Variants in TNRC6B observed in about 807,000 individuals in gnomAD.
The protein encoded by TNRC6B is trinucleotide repeat-containing gene 6B protein.
A neutral mutation model predicts 203.6 loss-of-function variants in TNRC6B; 52 were observed. The observed-to-expected ratio is 0.26, with a 90% CI of 0.20 to 0.32. The LOEUF (loss-of-function observed/expected upper bound fraction) is 0.32, where lower values mean the gene tolerates loss of function less well. Ranked by LOEUF, TNRC6B falls within the 10% of genes least tolerant of loss-of-function variation. The probability of loss-of-function intolerance (pLI) is 1.00; values close to 1 mark genes in which losing one functional copy is unlikely to be tolerated. For missense variants in TNRC6B, 1,923 were observed against 2,286.2 expected (o/e 0.84, Z 3.24); for synonymous variants, 838 against 845.7 (o/e 0.99, Z 0.16).
intron 1 of TNRC6B, among the ~76,000 whole-genome samples, chr22:40,083,255 T>A (rs1470847538): frequency 6.6e-6 from 1 of 152,166 alleles, no homozygotes; most frequent in Non-Finnish European, 1.5e-5. Flanking sequence ...GGACAGTGAC[T>A]GGCCAGGACA....
chr22:40,145,840 CA>C (rs5845447), intron 3 of TNRC6B, among the ~76,000 whole-genome samples: 49,807 of 148,024 alleles, frequency 0.34, 10,614 homozygotes, highest in African/African-American at 0.61. Context: ...GACTTTGTCT[CA>C]AAAAAAAAAG....
chr22:40,119,781 A>C (rs955514144), intron 2 of TNRC6B, among the ~76,000 whole-genome samples: 1 of 152,168 alleles, frequency 6.6e-6, no homozygotes, highest in Non-Finnish European at 1.5e-5. Flanking sequence ...CACTTCTTAC[A>C]TGGAACCCTT....
chr22:40,311,208 G>A (rs1009237370), intron 17 of TNRC6B, among the ~76,000 whole-genome samples: 19 of 152,220 alleles, frequency 1.2e-4, no homozygotes, highest in African/African-American at 4.6e-4. Context: ...ATTGTAGGTG[G>A]GACTTTGCAT....
chr22:40,207,492 A>G (rs1171798888), intron 1 of TNRC6B, among the ~76,000 whole-genome samples: 2 of 150,278 alleles, frequency 1.3e-5, no homozygotes, highest in African/African-American at 4.8e-5. Context: ...ATACATGTTC[A>G]TTATATCATG....
At chr22:40,173,794 T>TATATATATATATATATATATATATAA (rs201025367), upstream of TNRC6B, among the ~76,000 whole-genome samples, 3 of 31,452 alleles carry the variant, frequency 9.5e-5, no homozygotes. Flanking sequence ...TATATATATA[T>TATATATATATATATATATATATATAA]TTTTTTTTTT....
chr22:40,070,776 A>ATT (rs750997276), intron 1 of TNRC6B, among the ~76,000 whole-genome samples: 4 of 147,078 alleles, frequency 2.7e-5, no homozygotes, highest in African/African-American at 9.9e-5. Context: ...TATAGCTCAG[A>ATT]TTTTTTTTTT....
intron 4 of TNRC6B, among the ~76,000 whole-genome samples, chr22:40,169,410 G>A (rs1198148934): frequency 6.6e-6 from 1 of 152,132 alleles, no homozygotes; most frequent in Admixed American, 6.6e-5. Context: ...GATCACAGGT[G>A]TGAGTCACCA....
intron 1 of TNRC6B, among the ~76,000 whole-genome samples, chr22:40,195,515 T>G (rs1351066698): frequency 1.3e-5 from 2 of 152,134 alleles, no homozygotes; most frequent in East Asian, 3.8e-4. Context: ...CAGGCTGGAG[T>G]GCAATGGCAC....
chr22:40,156,200 T>G (rs755550139), intron 4 of TNRC6B: 8 of 1,558,956 alleles, frequency 5.1e-6, no homozygotes, highest in Non-Finnish European at 5.2e-6. Context: ...ACAGTTTATT[T>G]AAAAAGAGTC....
intron 15 of TNRC6B, among the ~76,000 whole-genome samples, chr22:40,307,779 C>T (rs1431976759): frequency 6.6e-6 from 1 of 152,126 alleles, no homozygotes; most frequent in Non-Finnish European, 1.5e-5. Context: ...TGACCTCCAC[C>T]CACCCCACAC....
intron 3 of TNRC6B, among the ~76,000 whole-genome samples, chr22:40,258,101 T>TTTTTTTA (rs869114055): frequency 4.5e-4 from 49 of 108,426 alleles, no homozygotes; most frequent in African/African-American, 2.4e-3. Flanking sequence ...TTTTTTTTTT[T>TTTTTTTA]ACCCCACAAT....
chr22:40,243,554 AACTT>A (rs2070061402), intron 1 of TNRC6B, among the ~76,000 whole-genome samples: 1 of 152,170 alleles, frequency 6.6e-6, no homozygotes, highest in African/African-American at 2.4e-5. Context: ...GTTTGATTAA[AACTT>A]ACCCCTTTTT....
intron 15 of TNRC6B, among the ~76,000 whole-genome samples, chr22:40,308,129 C>G (rs1026753146): frequency 5.3e-5 from 8 of 152,288 alleles, no homozygotes; most frequent in East Asian, 1.9e-4. Flanking sequence ...CTTTCCTCCC[C>G]CAAGATACCC....
chr22:40,071,899 C>T (rs1165403617), intron 1 of TNRC6B, among the ~76,000 whole-genome samples: 1 of 152,122 alleles, frequency 6.6e-6, no homozygotes. Context: ...GCTCCATCGC[C>T]CATGCTGGAG....
At chr22:40,080,139 T>A (rs1473763869) in intron 1 of TNRC6B, among the ~76,000 whole-genome samples, 1 of 144,540 alleles carries the variant, frequency 6.9e-6, no homozygotes, top group Non-Finnish European at 1.5e-5. Flanking sequence ...TCTCACTATG[T>A]TGCCCAAGCT....
At chr22:40,157,737 C>A (rs1264857501) in intron 4 of TNRC6B, among the ~76,000 whole-genome samples, 1 of 152,194 alleles carries the variant, frequency 6.6e-6, no homozygotes, top group Non-Finnish European at 1.5e-5. Flanking sequence ...GCCCTCCACC[C>A]CCACACTCTG....
chr22:40,322,805 T>C, intron 22 of TNRC6B, 49 bp from the exon 23 acceptor site: 2 of 1,610,102 alleles, frequency 1.2e-6, no homozygotes, highest in East Asian at 2.2e-5. Context: ...CTCCGTATGC[T>C]TTAGGATTTT....
At chr22:40,290,586 A>C (rs2070856565) in intron 12 of TNRC6B, among the ~76,000 whole-genome samples, 1 of 152,130 alleles carries the variant, frequency 6.6e-6, no homozygotes, top group African/African-American at 2.4e-5. Context: ...TATCTCCTTC[A>C]GCTCTCTGCT....
chr22:40,278,329 G>A (rs2070677610), intron 9 of TNRC6B, among the ~76,000 whole-genome samples: 1 of 151,828 alleles, frequency 6.6e-6, no homozygotes, highest in South Asian at 2.1e-4. Context: ...GGAGACCGAG[G>A]TGGGTGGATT....
Sources: gnomAD v4.1 joint callset for allele counts (sites outside exome capture counted in the v4.1 genomes callset) on GRCh38, gnomAD v4.1.1 for gene constraint, MANE v1.5 for transcripts, NCBI Gene and HGNC (gene_info 2026-07-23, HGNC 2026-07-21) for gene names.